The following ODAD4 variants were observed in gnomAD, a reference collection of about 807,000 sequenced individuals.
ODAD4 encodes the protein outer dynein arm-docking complex subunit 4.
ODAD4 carries 49 observed loss-of-function variants against 51.8 expected under a neutral mutation model. That is an observed-to-expected ratio of 0.95 (90% CI 0.75 to 1.20). ODAD4 has a LOEUF of 1.20. ODAD4 is among the 50% of genes most tolerant of loss of function. ODAD4 has a pLI of 0.00. For synonymous variants in ODAD4, 235 were observed against 221.3 expected, an observed-to-expected ratio of 1.06 and a Z score of -0.55; for missense variants, 590 against 586.5, an observed-to-expected ratio of 1.01 and a Z score of -0.06.
At chr17:41,952,938 T>C (rs1471374208) in intron 9 of ODAD4, among the ~76,000 whole-genome samples, 1 of 151,826 alleles carries the variant, frequency 6.6e-6, no homozygotes, top group Non-Finnish European at 1.5e-5. Flanking sequence ...GGTCTCCCTA[T>C]GTTGTCCAGG....
chr17:41,932,230 C>T (rs1273333485), intron 1 of ODAD4, among the ~76,000 whole-genome samples: 3 of 152,134 alleles, frequency 2.0e-5, no homozygotes, highest in East Asian at 1.9e-4. Flanking sequence ...CCACCATGCT[C>T]GGCTAATTTT....
At chr17:41,939,239 C>A in intron 7 of ODAD4, 67 bp downstream of exon 7, 1 of 1,459,104 alleles carries the variant, frequency 6.9e-7, no homozygotes, top group Non-Finnish European at 9.2e-7. Context: ...TATCTGAGGC[C>A]CTTGCCAGGG....
intron 11 of ODAD4, among the ~76,000 whole-genome samples, chr17:41,962,167 G>C (rs1204484143): frequency 6.6e-6 from 1 of 152,152 alleles, no homozygotes; most frequent in Non-Finnish European, 1.5e-5. Flanking sequence ...AGGTGTAGGT[G>C]CTGTGGGGGG....
intron 10 of ODAD4, among the ~76,000 whole-genome samples, chr17:41,957,449 G>A (rs1461582672): frequency 6.6e-6 from 1 of 152,128 alleles, no homozygotes; most frequent in African/African-American, 2.4e-5. Flanking sequence ...CTCACTTGCC[G>A]ACCCTCCGCT....
At chr17:41,956,047 C>CTTT (rs71357524) in intron 10 of ODAD4, among the ~76,000 whole-genome samples, 17 of 124,920 alleles carry the variant, frequency 1.4e-4, no homozygotes, top group East Asian at 6.6e-4. Flanking sequence ...CTGTACTTAG[C>CTTT]TTTTTTTTTT....
At chr17:41,941,978 T>C (rs1292622476) in intron 7 of ODAD4, among the ~76,000 whole-genome samples, 2 of 152,240 alleles carry the variant, frequency 1.3e-5, no homozygotes, top group African/African-American at 4.8e-5. Context: ...TTCACTCTTC[T>C]TGCCCAGGCT....
chr17:41,942,864 T>G (rs1296365241), intron 7 of ODAD4, among the ~76,000 whole-genome samples: 1 of 152,024 alleles, frequency 6.6e-6, no homozygotes, highest in African/African-American at 2.4e-5. Context: ...GTTTTGTTTT[T>G]TTTGTTTTGT....
At position 41,938,761 on chromosome 17, in the gene ODAD4, G is replaced by T. The variant is rs1555638258; in HGVS notation, c.830G>T (p.Ser277Ile). The T allele has an allele frequency of 1.2e-6, 2 of 1,613,288 alleles. No individual in the cohort carries two copies. The highest frequency in any genetic ancestry group is 1.7e-6 in the Non-Finnish European group (2 of 1,179,846). ...PSQTAHYILK[S>I]LEDIDMLLTS... ...CAGACAGCCCATTACATCCTCAAGA[G>T]CCTGGAGGACATTGATATGTGTAGG... The change falls in exon 6 of 12, where the codon AGC becomes ATC. Residue 277 changes from serine to isoleucine, a missense_variant. Coordinates refer to ENST00000377540, the MANE Select transcript of ODAD4 (RefSeq NM_031421.5).
chr17:41,936,333 C>T lies in ODAD4; in HGVS notation c.398-140C>T. 3 of 652,772 alleles carry T rather than the reference C, an allele frequency of 4.6e-6. No individual in the cohort carries two copies. In the South Asian group the frequency reaches 5.3e-5, roughly 12 times the overall value. The allele number at this position is 652,772 out of a possible 1,614,324, so 40.4% of individuals were successfully genotyped here. ...TATACCAAACAGCCTGCACCATTTG[C>T]CTGCTAGGCTGGCTTAGGGCCAGCT... On this transcript the variant is annotated intron_variant, in intron 3 of 11. Coordinates refer to ENST00000377540, the MANE Select transcript of ODAD4 (RefSeq NM_031421.5).
At chr17:41,955,467 G>A (rs1434361172) in intron 10 of ODAD4, 150 bp downstream of exon 10, 10 of 578,784 alleles carry the variant, frequency 1.7e-5, no homozygotes, top group Non-Finnish European at 2.8e-5. Context: ...TTGCTCTGTT[G>A]CCCAGGCTGG....
chr17:41,954,373 C>A (rs1365850089), intron 9 of ODAD4, among the ~76,000 whole-genome samples: 1 of 152,002 alleles, frequency 6.6e-6, no homozygotes, highest in South Asian at 2.1e-4. Flanking sequence ...CATTTCAGTC[C>A]CAGCTCCAGC....
intron 9 of ODAD4, among the ~76,000 whole-genome samples, chr17:41,954,135 G>A (rs1433380146): frequency 1.3e-5 from 2 of 151,822 alleles, no homozygotes; most frequent in African/African-American, 4.8e-5. Flanking sequence ...ACAGTCGCCC[G>A]TCACCATGCC....
At position 41,965,441 on chromosome 17, in the gene ODAD4, A is replaced by T; in HGVS notation, c.1977A>T (p.Glu659Asp). Residue 659 changes from glutamate (E) to aspartate (D), a missense_variant, in exon 12 of 12, where the codon GAA becomes GAT. Around this residue, in one of 3 missense-constraint regions of ODAD4, gnomAD observed 226 missense variants for 162.7 expected, o/e 1.39. Transcript: ENST00000377540. ...LGKTQFGEIG[E>D]TKKTGNEMEK... ...AAACACAATTTGGAGAAATAGGAGAAACGAAAAAAACAGGAAATGAGATGG... is the reference window on the plus strand; with the variant it reads ...AAACACAATTTGGAGAAATAGGAGATACGAAAAAAACAGGAAATGAGATGG... 1.3e-6 allele frequency: 1 copy of T among 773,990 alleles called. No individual in the cohort carries two copies. The highest frequency in any genetic ancestry group is 1.7e-5 in the African/African-American group (1 of 58,534). 47.9% of individuals were successfully genotyped at this position (773,990 alleles called of 1,614,324 possible). A position where few individuals can be genotyped will look rare whatever the true frequency, so the allele number is the denominator to read the frequency against.
At chr17:41,940,066 T>A (rs1288141855) in intron 7 of ODAD4, among the ~76,000 whole-genome samples, 1 of 152,146 alleles carries the variant, frequency 6.6e-6, no homozygotes, top group Non-Finnish European at 1.5e-5. Flanking sequence ...ACCCGGAGGT[T>A]CCATCGCTTT....
chr17:41,957,309 G>C (rs1356472080), intron 10 of ODAD4, among the ~76,000 whole-genome samples: 1 of 152,140 alleles, frequency 6.6e-6, no homozygotes, highest in East Asian at 1.9e-4. Context: ...GGATGAAACT[G>C]TTCCACCTCA....
Position 41,938,994 on chromosome 17 carries a change from C to G in ODAD4, c.880C>G (p.Leu294Val). The G allele has an allele frequency of 6.2e-7, 1 of 1,611,750 alleles. No individual in the cohort carries two copies. Among genetic ancestry groups the G allele is most frequent in the Non-Finnish European group, 8.5e-7 (1 of 1,178,910 alleles). Residue 294 changes from leucine (L) to valine (V), a missense_variant, in exon 7 of 12, where the codon CTT (leucine) becomes GTT (valine). Leu to Val is a conservative substitution (Grantham distance 32, BLOSUM62 1). Around this residue, in one of 3 missense-constraint regions of ODAD4, gnomAD observed 360 missense variants for 407.5 expected, o/e 0.88. Coordinates refer to ENST00000377540, the MANE Select transcript of ODAD4 (RefSeq NM_031421.5). The part of the protein sequence containing the change: ...LLTSGSAEGS[L>V]QKAEKVLKKV... The stretch of plus-strand genomic sequence containing the variant: ...CACAAGTGGCAGTGCTGAAGGGAGT[C>G]TTCAGAAAGCTGAGAAAGTGCTGAA...
At chr17:41,954,604 C>T (rs189480159) in intron 9 of ODAD4, among the ~76,000 whole-genome samples, 59 of 152,120 alleles carry the variant, frequency 3.9e-4, no homozygotes, top group African/African-American at 1.3e-3. Flanking sequence ...GTAATCCCAG[C>T]ACTTTGGGAG....
At chr17:41,932,172 C>G (rs549827718) in intron 1 of ODAD4, among the ~76,000 whole-genome samples, 1 of 152,086 alleles carries the variant, frequency 6.6e-6, no homozygotes, top group East Asian at 1.9e-4. Flanking sequence ...CAGGTTCAAG[C>G]GATTCTCCTG....
At chr17:41,945,778 G>A (rs781953143) in intron 8 of ODAD4, among the ~76,000 whole-genome samples, 1 of 152,212 alleles carries the variant, frequency 6.6e-6, no homozygotes, top group Non-Finnish European at 1.5e-5. Flanking sequence ...GCACGTGCCT[G>A]TAGTCCCAGC....
Sources: gnomAD v4.1 joint callset for allele counts (sites outside exome capture counted in the v4.1 genomes callset) on GRCh38, gnomAD v4.1.1 for gene constraint, gnomAD v4.1.1 regional missense constraint, MANE v1.5 for transcripts, NCBI Gene and HGNC (gene_info 2026-07-23, HGNC 2026-07-21) for gene names.